The following ETNPPL variants were observed in gnomAD, a reference collection of about 807,000 sequenced individuals.
ETNPPL encodes alanine--glyoxylate aminotransferase 2-like 1.
In ETNPPL, 30 loss-of-function variants were observed where a neutral mutation model predicts 55.5. The observed-to-expected ratio is 0.54, with a 90% CI of 0.40 to 0.73. The LOEUF (loss-of-function observed/expected upper bound fraction) is 0.73. Ranked by LOEUF, ETNPPL falls within the 30% of genes least tolerant of loss-of-function variation. The pLI is 0.00. For synonymous variants in ETNPPL, 202 were observed against 207.2 expected (o/e 0.98, Z 0.21); for missense variants, 528 against 607.9 (o/e 0.87, Z 1.38).
intron 6 of ETNPPL, among the ~76,000 whole-genome samples, chr4:108,751,266 C>T (rs190523494): frequency 3.2e-4 from 48 of 152,176 alleles, no homozygotes; most frequent in African/African-American, 1.0e-3. Context: ...GAGATGAGAG[C>T]GCAACTTCCA....
At chr4:108,753,778 A>G (rs1729038706) in intron 5 of ETNPPL, among the ~76,000 whole-genome samples, 1 of 131,648 alleles carries the variant, frequency 7.6e-6, no homozygotes, top group Non-Finnish European at 1.5e-5. Flanking sequence ...GAAAGAAAGA[A>G]AGAAAGAAAG....
At chr4:108,758,731 T>C (rs1406599761) in intron 3 of ETNPPL, among the ~76,000 whole-genome samples, 2 of 152,240 alleles carry the variant, frequency 1.3e-5, no homozygotes, top group South Asian at 2.1e-4. Flanking sequence ...GCCCTGTGCA[T>C]GGCCTTCCAG....
At chr4:108,743,920 T>C (rs1177877558) in intron 11 of ETNPPL, 64 bp from the exon 12 acceptor site, 3 of 1,109,948 alleles carry the variant, frequency 2.7e-6, no homozygotes, top group South Asian at 1.3e-5. Flanking sequence ...AAAAAACTTT[T>C]TGGTATCTTA....
At chr4:108,757,838 C>T (rs1729293349) in intron 3 of ETNPPL, among the ~76,000 whole-genome samples, 1 of 148,290 alleles carries the variant, frequency 6.7e-6, no homozygotes, top group Admixed American at 6.6e-5. Flanking sequence ...TACAGGGGCT[C>T]ACCCTGTAAC....
At chr4:108,756,171 A>G (rs924532802) in intron 4 of ETNPPL, among the ~76,000 whole-genome samples, 2 of 152,226 alleles carry the variant, frequency 1.3e-5, no homozygotes, top group Non-Finnish European at 2.9e-5. Flanking sequence ...TGCAAACTCC[A>G]TGAAGCTACA....
intron 1 of ETNPPL, 25 bp from the exon 2 acceptor site, chr4:108,760,331 T>G (rs768508050): frequency 1.4e-6 from 2 of 1,382,296 alleles, no homozygotes; most frequent in Non-Finnish European, 2.1e-6. Context: ...AGGAAACACT[T>G]TGGTCTGGTA....
At chr4:108,759,318 G>C (rs567009270) in intron 3 of ETNPPL, among the ~76,000 whole-genome samples, 2 of 146,240 alleles carry the variant, frequency 1.4e-5, no homozygotes, top group African/African-American at 5.0e-5. Context: ...GGAGAATAGC[G>C]TGAACCTGGG....
At chr4:108,762,597 G>C in intron 1 of ETNPPL, 2 of 626,348 alleles carry the variant, frequency 3.2e-6, no homozygotes, top group Non-Finnish European at 2.9e-6. Context: ...CCGCTAGTCC[G>C]CCGGCTGCAG....
chr4:108,760,737 G>T (rs1037706583), intron 1 of ETNPPL, among the ~76,000 whole-genome samples: 3 of 152,130 alleles, frequency 2.0e-5, no homozygotes, highest in Admixed American at 1.3e-4. Flanking sequence ...ATGAAAGAGA[G>T]GTTATTATCT....
chr4:108,752,049 G>C lies in ETNPPL; in HGVS notation c.618+846C>G, dbSNP rs72895033. On this transcript the variant is annotated intron_variant, in intron 6 of 12. Transcript: ENST00000296486. ...AGTATGAAGCTTCCTACAACACGTA[G>C]AGCTTTAGGTCTACCTGCACAGATG... Among the ~76,000 whole-genome samples, 380 of 152,296 alleles carry C rather than the reference G, an allele frequency of 2.5e-3. 2 individuals carry two copies. The highest frequency in any genetic ancestry group is 8.7e-3 in the African/African-American group (363 of 41,562).
intron 9 of ETNPPL, 150 bp downstream of exon 9, chr4:108,747,855 A>G (rs1290997690): frequency 6.8e-6 from 4 of 589,080 alleles, no homozygotes; most frequent in Non-Finnish European, 5.7e-6. Flanking sequence ...CAGCCTCCCG[A>G]GTAGCTGGGA....
intron 3 of ETNPPL, among the ~76,000 whole-genome samples, chr4:108,757,217 T>G (rs551545131): frequency 4.6e-5 from 7 of 152,266 alleles, no homozygotes; most frequent in Admixed American, 4.6e-4. Context: ...AGTATCAAAT[T>G]TTTTCCTATA....
At chr4:108,752,051 G>T (rs1391600062) in intron 6 of ETNPPL, among the ~76,000 whole-genome samples, 1 of 152,206 alleles carries the variant, frequency 6.6e-6, no homozygotes, top group Non-Finnish European at 1.5e-5. Flanking sequence ...AACACGTAGA[G>T]CTTTAGGTCT....
At chr4:108,746,987 C>T in intron 9 of ETNPPL, 136 bp from the exon 10 acceptor site, 1 of 558,646 alleles carries the variant, frequency 1.8e-6, no homozygotes, top group Non-Finnish European at 3.1e-6. Context: ...TCTATGTTCA[C>T]AGTTGTTTCT....
chr4:108,747,019 T>C, intron 9 of ETNPPL, among the ~76,000 whole-genome samples, 168 bp from the exon 10 acceptor site: 1 of 150,180 alleles, frequency 6.7e-6, no homozygotes, highest in Non-Finnish European at 1.5e-5. Context: ...TAAATTAGTT[T>C]TTGTCATCCA....
intron 1 of ETNPPL, chr4:108,762,229 C>A: frequency 5.2e-6 from 2 of 384,546 alleles, no homozygotes; most frequent in South Asian, 3.8e-5. Context: ...GGGGGCAAGA[C>A]AAGCAGGCTG....
rs1728888680 is a variant in ETNPPL at position 108,751,036 on chromosome 4, G to C, written c.619-18C>G. ...GCAGCAATCTATACAAGAGAAGATG[G>C]TGTCAAAGTCCATTAGGTCCCCCTA... On this transcript the variant is annotated intron_variant, in intron 6 of 12. Transcript: ENST00000296486. The C allele has an allele frequency of 6.3e-7, 1 of 1,592,482 alleles. No homozygotes were observed. Among genetic ancestry groups the C allele is most frequent in the Non-Finnish European group, 8.6e-7 (1 of 1,160,940 alleles).
At chr4:108,750,784 G>C in intron 7 of ETNPPL, 152 bp downstream of exon 7, 1 of 617,464 alleles carries the variant, frequency 1.6e-6, no homozygotes, top group Admixed American at 2.2e-5. Context: ...AAGGCTGAGA[G>C]AGCATCCAGG....
chr4:108,744,354 T>C (rs183103345), intron 11 of ETNPPL, among the ~76,000 whole-genome samples: 16 of 152,336 alleles, frequency 1.1e-4, no homozygotes, highest in South Asian at 2.1e-4. Context: ...TAAGCCCATT[T>C]TACCTACTCC....
Sources: allele counts gnomAD v4.1 joint callset (sites outside exome capture counted in the v4.1 genomes callset), GRCh38; gene constraint gnomAD v4.1.1; transcripts MANE v1.5; gene names NCBI Gene and HGNC (gene_info 2026-07-23, HGNC 2026-07-21).